The following BNC2 variants were observed in gnomAD, a reference collection of about 807,000 sequenced individuals.
The protein encoded by BNC2 is basonuclin zinc finger protein 2.
BNC2 carries 20 observed loss-of-function variants against 76.3 expected under a neutral mutation model. That is an observed-to-expected ratio of 0.26 (90% CI 0.18 to 0.38). BNC2 has a LOEUF of 0.38. Ranked by LOEUF, BNC2 falls within the 10% of genes least tolerant of loss-of-function variation. The pLI, the probability that BNC2 is intolerant of heterozygous loss-of-function variation, is 1.00. For missense variants in BNC2, 1,382 were observed against 1,399.8 expected, an observed-to-expected ratio of 0.99 and a Z score of 0.20; for synonymous variants, 582 against 514.8, an observed-to-expected ratio of 1.13 and a Z score of -1.77.
intron 3 of BNC2, among the ~76,000 whole-genome samples, chr9:16,671,012 T>G (rs778108243): frequency 4.6e-5 from 7 of 151,944 alleles, no homozygotes; most frequent in Non-Finnish European, 5.9e-5. Flanking sequence ...CCAAAAAGTG[T>G]GGGAAGTTCA....
At chr9:16,556,478 T>C (rs1027098116) in intron 4 of BNC2, among the ~76,000 whole-genome samples, 5 of 150,470 alleles carry the variant, frequency 3.3e-5, no homozygotes, top group South Asian at 4.2e-4. Context: ...ACTTAAAAAA[T>C]ATTAAACTGG....
At chr9:16,433,137 T>G (rs997731049) in intron 6 of BNC2, among the ~76,000 whole-genome samples, 3 of 152,198 alleles carry the variant, frequency 2.0e-5, no homozygotes, top group Non-Finnish European at 2.9e-5. Flanking sequence ...TTATATTAAT[T>G]CAAGTCATAG....
intron 5 of BNC2, among the ~76,000 whole-genome samples, chr9:16,543,118 C>T (rs1056397183): frequency 3.9e-5 from 6 of 152,122 alleles, no homozygotes; most frequent in Admixed American, 3.9e-4. Flanking sequence ...TCATAAAGCT[C>T]CCGTTGCTCT....
chr9:16,636,483 T>G (rs1224113246), intron 3 of BNC2, among the ~76,000 whole-genome samples: 2 of 151,996 alleles, frequency 1.3e-5, no homozygotes, highest in Non-Finnish European at 2.9e-5. Flanking sequence ...TTTAATTTTT[T>G]GTAGAGATAA....
At chr9:16,830,214 GA>G (rs1305415705) in intron 1 of BNC2, among the ~76,000 whole-genome samples, 2 of 152,114 alleles carry the variant, frequency 1.3e-5, no homozygotes, top group East Asian at 1.9e-4. Context: ...AACTGCATTG[GA>G]GGGCAATTAT....
rs1266953119 is a variant in BNC2 at position 16,729,560 on chromosome 9, C to T, written c.130-1563G>A. The stretch of plus-strand genomic sequence containing the variant: ...TTTCTGTTAAACTTCCCTCCAGTTC[C>T]CCACCATTAAGCACAAAAAAGTCTC... On this transcript the variant is annotated intron_variant, in intron 2 of 6. Transcript: ENST00000380672. Among the ~76,000 whole-genome samples the T allele has an allele frequency of 3.3e-5, 5 of 152,076 alleles. 1 individual carries two copies. Among genetic ancestry groups the T allele is most frequent in the South Asian group, 4.1e-4 (2 of 4,826 alleles).
At chr9:16,696,768 C>A (rs999634583) in intron 3 of BNC2, among the ~76,000 whole-genome samples, 1 of 152,160 alleles carries the variant, frequency 6.6e-6, no homozygotes, top group Non-Finnish European at 1.5e-5. Flanking sequence ...ATTATTCCAG[C>A]AGATCCTCAA....
chr9:16,606,942 T>C (rs1231790071), intron 3 of BNC2, among the ~76,000 whole-genome samples: 2 of 151,936 alleles, frequency 1.3e-5, no homozygotes, highest in African/African-American at 4.8e-5. Context: ...GTGACTTGCT[T>C]CTAAACGGAC....
intron 4 of BNC2, among the ~76,000 whole-genome samples, chr9:16,582,432 C>G (rs1180557741): frequency 1.3e-5 from 2 of 152,144 alleles, no homozygotes; most frequent in Admixed American, 6.5e-5. Context: ...TCGACCACCT[C>G]CAATCCCCAT....
intron 3 of BNC2, among the ~76,000 whole-genome samples, chr9:16,590,735 A>C (rs945211573): frequency 3.2e-4 from 49 of 152,092 alleles, no homozygotes; most frequent in African/African-American, 1.1e-3. Context: ...TGAGCCTCAG[A>C]GGTCAAGGAT....
chr9:16,765,989 G>A (rs7847232), intron 1 of BNC2, among the ~76,000 whole-genome samples: 139,092 of 151,906 alleles, frequency 0.92, 63,694 homozygotes, highest in East Asian at 0.99. Flanking sequence ...GGATTTCACC[G>A]TGTTAGCCAG....
intron 1 of BNC2, among the ~76,000 whole-genome samples, chr9:16,766,255 C>T (rs927334880): frequency 1.3e-5 from 2 of 152,176 alleles, no homozygotes; most frequent in Non-Finnish European, 2.9e-5. Flanking sequence ...CTTATCTCTG[C>T]AACCATCCAT....
chr9:16,619,791 G>T (rs1486806484), intron 3 of BNC2, among the ~76,000 whole-genome samples: 1 of 152,234 alleles, frequency 6.6e-6, no homozygotes, highest in East Asian at 1.9e-4. Flanking sequence ...CACTCTAAGG[G>T]CACTGTATAG....
chr9:16,636,731 G>T (rs1821340379), intron 3 of BNC2, among the ~76,000 whole-genome samples: 1 of 152,134 alleles, frequency 6.6e-6, no homozygotes, highest in Admixed American at 6.5e-5. Flanking sequence ...AGAACTTCCA[G>T]GTTATTCTAT....
intron 3 of BNC2, among the ~76,000 whole-genome samples, chr9:16,679,275 G>A (rs537326311): frequency 7.2e-5 from 11 of 152,078 alleles, no homozygotes; most frequent in South Asian, 4.2e-4. Context: ...ACTCCATACC[G>A]TAGGAATGTT....
chr9:16,791,070 T>G (rs1006825173), intron 1 of BNC2, among the ~76,000 whole-genome samples: 1 of 152,094 alleles, frequency 6.6e-6, no homozygotes, highest in Admixed American at 6.5e-5. Context: ...TAGATTTTTT[T>G]TTTTCTTTTG....
intron 3 of BNC2, among the ~76,000 whole-genome samples, chr9:16,653,354 T>C (rs1821843224): frequency 6.6e-6 from 1 of 152,158 alleles, no homozygotes; most frequent in Admixed American, 6.5e-5. Context: ...CCCTTCGATA[T>C]GTACAAACAG....
intron 3 of BNC2, among the ~76,000 whole-genome samples, chr9:16,677,510 T>G (rs1587305668): frequency 6.6e-6 from 1 of 150,572 alleles, no homozygotes; most frequent in African/African-American, 2.5e-5. Context: ...GAGGTGGAGG[T>G]TGCAGTGAGC....
intron 5 of BNC2, among the ~76,000 whole-genome samples, chr9:16,485,513 T>A (rs1481567816): frequency 6.6e-6 from 1 of 152,196 alleles, no homozygotes; most frequent in African/African-American, 2.4e-5. Flanking sequence ...AACTTTGCAT[T>A]AACCCAGTCA....
Sources: allele counts gnomAD v4.1 joint callset (sites outside exome capture counted in the v4.1 genomes callset), GRCh38; gene constraint gnomAD v4.1.1; transcripts MANE v1.5; gene names NCBI Gene and HGNC (gene_info 2026-07-23, HGNC 2026-07-21).